Variants in MAGI2 observed in about 807,000 individuals in gnomAD.
MAGI2 encodes the protein membrane-associated guanylate kinase, WW and PDZ domain-containing protein 2.
In MAGI2, 35 loss-of-function variants were observed where a neutral mutation model predicts 133.3. That is an observed-to-expected ratio of 0.26 (90% CI 0.20 to 0.35). The LOEUF is 0.35. Among genes scored for constraint, MAGI2 ranks in the 10% least tolerant of loss-of-function variants. The pLI is 1.00. For missense variants in MAGI2, 1,636 were observed against 1,863.4 expected (o/e 0.88, Z 2.25); for synonymous variants, 729 against 710.6 (o/e 1.03, Z -0.41).
chr7:78,829,597 G>A (rs1790964300), intron 2 of MAGI2, among the ~76,000 whole-genome samples: 7 of 151,980 alleles, frequency 4.6e-5, no homozygotes, highest in Admixed American at 4.6e-4. Context: ...GCCTGCTATA[G>A]ATAACTCAGT....
At chr7:79,259,652 T>A (rs1585353758) in intron 1 of MAGI2, among the ~76,000 whole-genome samples, 1 of 152,214 alleles carries the variant, frequency 6.6e-6, no homozygotes, top group Non-Finnish European at 1.5e-5. Flanking sequence ...TTATAAGTTA[T>A]AAATTTGGGG....
intron 10 of MAGI2, among the ~76,000 whole-genome samples, chr7:78,240,204 G>C (rs1584519527): frequency 6.6e-6 from 1 of 152,256 alleles, no homozygotes; most frequent in South Asian, 2.1e-4. Context: ...TCCTTGTTCA[G>C]TTCCCACCTA....
At chr7:79,323,496 T>C (rs1563114948) in intron 1 of MAGI2, among the ~76,000 whole-genome samples, 1 of 152,180 alleles carries the variant, frequency 6.6e-6, no homozygotes, top group Non-Finnish European at 1.5e-5. Flanking sequence ...CCAGCTGGAA[T>C]GATCGTGGAT....
At chr7:79,400,397 AC>A (rs1056631571) in intron 1 of MAGI2, among the ~76,000 whole-genome samples, 6 of 152,188 alleles carry the variant, frequency 3.9e-5, no homozygotes, top group Non-Finnish European at 8.8e-5. Context: ...ATCCAAAAAA[AC>A]AAAGTCATAG....
chr7:78,161,667 T>TAAAAAAAAAAAAAAAAAAA lies in MAGI2; in HGVS notation c.2597-1413_2597-1395dup, dbSNP rs71515391. On this transcript the variant is annotated intron_variant, in intron 15 of 21. Transcript: ENST00000354212. ...AGAGACGTTTTGTTACATCGATACC[T>TAAAAAAAAAAAAAAAAAAA]AAAAAAAAAAAAAAAAAAAAGAAAA... is the stretch of plus-strand genomic sequence containing the variant. Among the ~76,000 whole-genome samples the TAAAAAAAAAAAAAAAAAAA allele has an allele frequency of 6.5e-3, 448 of 68,878 alleles. 11 individuals carry two copies. The highest frequency in any genetic ancestry group is 9.6e-3 in the Admixed American group (54 of 5,638). 45.2% of individuals were successfully genotyped at this position (68,878 alleles called of 152,430 possible). A position where few individuals can be genotyped will look rare whatever the true frequency, so the allele number is the denominator to read the frequency against.
chr7:78,327,880 T>C (rs528797686), intron 9 of MAGI2, among the ~76,000 whole-genome samples: 1 of 152,278 alleles, frequency 6.6e-6, no homozygotes, highest in South Asian at 2.1e-4. Flanking sequence ...CAGCCTGCCA[T>C]CTTTGTATAA....
chr7:78,144,565 T>C (rs1213743946), intron 16 of MAGI2, among the ~76,000 whole-genome samples: 1 of 152,174 alleles, frequency 6.6e-6, no homozygotes, highest in Admixed American at 6.5e-5. Context: ...AGGTTTCTGA[T>C]TGTGTCTTTT....
rs573126420 is a variant in MAGI2, at chr7:78,269,093, G to A, written c.1409-12512C>T. ...GAATGATGTTTTCTAGTTCATCCAC[G>A]TCCCTGCAAAGGACATGAACTCACT... On this transcript the variant is annotated intron_variant, in intron 9 of 21. Transcript: ENST00000354212. Among the ~76,000 whole-genome samples the A allele has an allele frequency of 7.2e-5, 11 of 152,178 alleles. No homozygotes were observed. In the East Asian group the frequency reaches 1.4e-3, roughly 19 times the overall value.
chr7:79,020,449 A>G (rs1022979765), intron 1 of MAGI2, among the ~76,000 whole-genome samples: 2 of 152,140 alleles, frequency 1.3e-5, no homozygotes, highest in Admixed American at 1.3e-4. Flanking sequence ...GAGAAATTCA[A>G]GCCTGCTGCA....
chr7:78,323,116 G>A (rs1288810343), intron 9 of MAGI2, among the ~76,000 whole-genome samples: 2 of 150,858 alleles, frequency 1.3e-5, no homozygotes, highest in African/African-American at 2.4e-5. Context: ...AGAAGGTTTT[G>A]CAGTTTCCAA....
chr7:78,277,760 C>T (rs1795190885), intron 9 of MAGI2, among the ~76,000 whole-genome samples: 1 of 152,122 alleles, frequency 6.6e-6, no homozygotes, highest in Admixed American at 6.6e-5. Flanking sequence ...GGAATAGTTT[C>T]AGTAGGCTAC....
At chr7:78,309,524 C>G (rs1338476738) in intron 9 of MAGI2, among the ~76,000 whole-genome samples, 1 of 152,052 alleles carries the variant, frequency 6.6e-6, no homozygotes, top group Non-Finnish European at 1.5e-5. Context: ...ACAATAGATA[C>G]TGGGGACTAC....
At chr7:78,262,319 A>C (rs1306758082) in intron 9 of MAGI2, among the ~76,000 whole-genome samples, 6 of 152,160 alleles carry the variant, frequency 3.9e-5, no homozygotes, top group African/African-American at 1.4e-4. Context: ...TACTTTATAA[A>C]TGACACTGTG....
chr7:78,956,205 T>C (rs896604707), intron 2 of MAGI2, among the ~76,000 whole-genome samples: 1 of 152,166 alleles, frequency 6.6e-6, no homozygotes. Flanking sequence ...AGGAGGTCTA[T>C]TAATTTTTTC....
At chr7:79,257,288 A>G (rs1833760871) in intron 1 of MAGI2, among the ~76,000 whole-genome samples, 1 of 152,206 alleles carries the variant, frequency 6.6e-6, no homozygotes, top group African/African-American at 2.4e-5. Context: ...AATAAAATTT[A>G]CTGAAGCATT....
chr7:79,009,702 C>T (rs1460635584), intron 1 of MAGI2, among the ~76,000 whole-genome samples: 2 of 152,102 alleles, frequency 1.3e-5, no homozygotes, highest in Admixed American at 6.6e-5. Flanking sequence ...CCTAACTGCC[C>T]TTGCAGCTTC....
chr7:78,860,870 C>A (rs377348182), intron 2 of MAGI2, among the ~76,000 whole-genome samples: 2 of 152,272 alleles, frequency 1.3e-5, no homozygotes, highest in East Asian at 3.9e-4. Flanking sequence ...GGCAGGCCTC[C>A]TTGAGCTGCA....
At chr7:78,856,727 C>T (rs1311584417) in intron 2 of MAGI2, among the ~76,000 whole-genome samples, 3 of 152,112 alleles carry the variant, frequency 2.0e-5, no homozygotes, top group African/African-American at 7.2e-5. Flanking sequence ...ATTGTCTTGG[C>T]AATGTGGGCT....
chr7:78,154,722 C>T (rs770911378), intron 16 of MAGI2, among the ~76,000 whole-genome samples: 1 of 152,106 alleles, frequency 6.6e-6, no homozygotes, highest in Admixed American at 6.5e-5. Context: ...AGGGCCACTT[C>T]ATTACTTGTA....
Sources: gnomAD v4.1 joint callset for allele counts (sites outside exome capture counted in the v4.1 genomes callset) on GRCh38, gnomAD v4.1.1 for gene constraint, MANE v1.5 for transcripts, NCBI Gene and HGNC (gene_info 2026-07-23, HGNC 2026-07-21) for gene names.